The following FNIP2 variants were observed in gnomAD, a reference collection of about 807,000 sequenced individuals.
FNIP2 encodes the protein folliculin-interacting protein 2.
FNIP2 carries 32 observed loss-of-function variants against 108.7 expected under a neutral mutation model. The observed-to-expected ratio is 0.29, with a 90% CI of 0.22 to 0.40. FNIP2 has a LOEUF of 0.40. FNIP2 is among the 10% of genes least tolerant of loss of function. The pLI is 1.00. For missense variants in FNIP2, 1,202 were observed against 1,381.6 expected (o/e 0.87, Z 2.06); for synonymous variants, 480 against 496.7 (o/e 0.97, Z 0.45).
At position 158,859,606 on chromosome 4, in the gene FNIP2, A is replaced by G; in HGVS notation, c.1088A>G (p.Glu363Gly). ...ATGATCTCCTGTAGGAAAATAGCAG[A>G]ATCAAGTCTCCGAGTCCAGTTTTAT... ...KAMISCRKIA[E>G]SSLRVQFYVS... Residue 363 changes from glutamate (E) to glycine (G), a missense_variant, in exon 10 of 17, where the codon GAA (glutamate) becomes GGA (glycine). By Grantham distance (98) the Glu-to-Gly change is moderately conservative. Transcript: ENST00000264433. 1 of 1,613,600 alleles carries G rather than the reference A, an allele frequency of 6.2e-7. No individual in the cohort carries two copies. Among genetic ancestry groups the G allele is most frequent in the Non-Finnish European group, 8.5e-7 (1 of 1,179,720 alleles).
At position 158,796,900 on chromosome 4, in the gene FNIP2, C is replaced by A. The variant is rs577232360; in HGVS notation, c.107+27581C>A. 2.0e-5 allele frequency among the ~76,000 whole-genome samples: 3 copies of A among 152,290 alleles called. No homozygotes were observed. In the South Asian group the frequency reaches 6.2e-4, roughly 32 times the overall value. Reference sequence around the variant, plus strand: ...TGTTCCCTGGTATGACACCCTCTCTCAGCAGGGACCCTGCTGACAGTGACT... The same window carrying A: ...TGTTCCCTGGTATGACACCCTCTCTAAGCAGGGACCCTGCTGACAGTGACT... On this transcript the variant is annotated intron_variant, in intron 1 of 16. Transcript: ENST00000264433.
At chr4:158,798,806 G>A (rs966651168) in intron 1 of FNIP2, among the ~76,000 whole-genome samples, 1 of 152,164 alleles carries the variant, frequency 6.6e-6, no homozygotes, top group African/African-American at 2.4e-5. Context: ...ACAGATTAAT[G>A]AATAACTCTT....
At chr4:158,836,838 A>T (rs1471572204) in intron 7 of FNIP2, among the ~76,000 whole-genome samples, 1 of 143,902 alleles carries the variant, frequency 6.9e-6, no homozygotes, top group African/African-American at 2.6e-5. Flanking sequence ...AAAAAAAAAA[A>T]GAGACTCATT....
intron 1 of FNIP2, among the ~76,000 whole-genome samples, chr4:158,786,716 C>A (rs1345070949): frequency 6.6e-6 from 1 of 152,116 alleles, no homozygotes; most frequent in Non-Finnish European, 1.5e-5. Context: ...TCAGCCTTTG[C>A]AAACTTCTTT....
intron 7 of FNIP2, among the ~76,000 whole-genome samples, chr4:158,843,184 G>A (rs1189095853): frequency 1.3e-5 from 2 of 152,158 alleles, no homozygotes; most frequent in Non-Finnish European, 2.9e-5. Flanking sequence ...CAGATTCAGA[G>A]CCATACTATC....
At chr4:158,791,605 T>A (rs1262558675) in intron 1 of FNIP2, among the ~76,000 whole-genome samples, 4 of 152,116 alleles carry the variant, frequency 2.6e-5, no homozygotes, top group African/African-American at 9.7e-5. Flanking sequence ...CTAAGAGAAT[T>A]TTCATGTTGG....
intron 16 of FNIP2, among the ~76,000 whole-genome samples, chr4:158,903,866 C>G (rs1729583973): frequency 6.6e-6 from 1 of 152,152 alleles, no homozygotes; most frequent in Non-Finnish European, 1.5e-5. Flanking sequence ...GTATCCACCT[C>G]TGCTGTAAGA....
intron 1 of FNIP2, among the ~76,000 whole-genome samples, chr4:158,776,193 C>T (rs926882020): frequency 1.3e-5 from 2 of 152,126 alleles, no homozygotes; most frequent in South Asian, 2.1e-4. Context: ...GAATTCATCC[C>T]AAAAGCTGAG....
intron 5 of FNIP2, 103 bp from the exon 6 acceptor site, chr4:158,833,425 G>A (rs989877788): frequency 1.5e-6 from 1 of 673,192 alleles, no homozygotes; most frequent in Admixed American, 2.9e-5. Context: ...TTGAGTGACT[G>A]ATCAGTCGTT....
chr4:158,892,170 T>C (rs945439386), intron 15 of FNIP2, among the ~76,000 whole-genome samples: 2 of 138,492 alleles, frequency 1.4e-5, no homozygotes, highest in African/African-American at 2.7e-5. Context: ...TTTGACAGAG[T>C]CTCACTCTGG....
At position 158,871,727 on chromosome 4, in the gene FNIP2, G is replaced by T. The variant is rs1008065778; in HGVS notation, c.2949+1258G>T. Reference sequence around the variant, plus strand: ...ACTCCTGGGATGAAACTATGAAGTTGCTTTTGTCCCTATAATATCATAATT... The same window carrying T: ...ACTCCTGGGATGAAACTATGAAGTTTCTTTTGTCCCTATAATATCATAATT... On this transcript the variant is annotated intron_variant, in intron 14 of 16. Coordinates refer to ENST00000264433, the MANE Select transcript of FNIP2 (RefSeq NM_020840.3). 7.1e-6 allele frequency: 7 copies of T among 985,150 alleles called. No homozygotes were observed. In the African/African-American group the frequency reaches 1.0e-4, roughly 15 times the overall value. The allele number at this position is 985,150 out of a possible 1,614,324, so 61.0% of individuals were successfully genotyped here. A position where few individuals can be genotyped will look rare whatever the true frequency, so the allele number is the denominator to read the frequency against.
chr4:158,775,203 C>T (rs1354665626), intron 1 of FNIP2, among the ~76,000 whole-genome samples: 1 of 152,126 alleles, frequency 6.6e-6, no homozygotes, highest in Non-Finnish European at 1.5e-5. Context: ...TTTATTTCTC[C>T]AGCCACTGTT....
At position 158,861,630 on chromosome 4, in the gene FNIP2, C is replaced by T. The variant is rs1031205703; in HGVS notation, c.1319C>T (p.Ala440Val). 3.5e-5 allele frequency: 57 copies of T among 1,613,892 alleles called. No individual in the cohort carries two copies. The highest frequency in any genetic ancestry group is 1.1e-4 in the African/African-American group (8 of 74,904). The stretch of plus-strand genomic sequence containing the variant: ...AGGTTTTTTGCTGCCTTACTGACTG[C>T]GGTGTTAACCTACCACCTGGCCTGG... Reference protein sequence around the residue: ...KNQFFAALLTAVLTYHLAWVP... With the variant: ...KNQFFAALLTVVLTYHLAWVP... Residue 440 changes from alanine (A) to valine (V), a missense_variant, in exon 12 of 17, where the codon GCG becomes GTG. Physicochemically the swap from Ala to Val is moderately conservative, Grantham distance 64. Coordinates refer to ENST00000264433, the MANE Select transcript of FNIP2 (RefSeq NM_020840.3).
At chr4:158,781,861 A>C (rs1211519767) in intron 1 of FNIP2, among the ~76,000 whole-genome samples, 3 of 151,964 alleles carry the variant, frequency 2.0e-5, no homozygotes, top group African/African-American at 7.3e-5. Context: ...CCCACTTACA[A>C]TGTGGGGCAC....
At chr4:158,769,468 C>T (rs1378544774) in intron 1 of FNIP2, 149 bp downstream of exon 1, 3 of 438,862 alleles carry the variant, frequency 6.8e-6, no homozygotes, top group African/African-American at 4.2e-5. Flanking sequence ...TCAGCGTGGA[C>T]GCGCCTGATC....
chr4:158,882,338 G>A (rs1441601975), intron 14 of FNIP2, among the ~76,000 whole-genome samples: 3 of 151,742 alleles, frequency 2.0e-5, no homozygotes, highest in African/African-American at 7.3e-5. Context: ...GGAGGTGAGG[G>A]GCAGCCCCCG....
At chr4:158,870,902 G>A (rs1389172889) in intron 14 of FNIP2, among the ~76,000 whole-genome samples, 5 of 152,254 alleles carry the variant, frequency 3.3e-5, no homozygotes, top group Admixed American at 3.3e-4. Flanking sequence ...CAGCCTCCTG[G>A]GGCCCAGAAC....
At chr4:158,796,732 A>C (rs1776602966) in intron 1 of FNIP2, among the ~76,000 whole-genome samples, 1 of 152,224 alleles carries the variant, frequency 6.6e-6, no homozygotes, top group South Asian at 2.1e-4. Context: ...AAATGCTCAC[A>C]TTTAACATCT....
intron 6 of FNIP2, chr4:158,833,955 G>A: frequency 1.8e-6 from 2 of 1,086,098 alleles, no homozygotes; most frequent in South Asian, 3.4e-5. Flanking sequence ...CAGGTTCTTA[G>A]GAAAAATCCT....
Sources: gnomAD v4.1 joint callset for allele counts (sites outside exome capture counted in the v4.1 genomes callset) on GRCh38, gnomAD v4.1.1 for gene constraint, MANE v1.5 for transcripts, NCBI Gene and HGNC (gene_info 2026-07-23, HGNC 2026-07-21) for gene names.